The following CYP39A1 variants were observed in gnomAD, a reference collection of about 807,000 sequenced individuals.
CYP39A1 encodes cytochrome P450 family 39 subfamily A member 1, also known as 24-hydroxycholesterol 7-alpha-hydroxylase.
CYP39A1 carries 49 observed loss-of-function variants against 58.1 expected under a neutral mutation model. That is an observed-to-expected ratio of 0.84 (90% CI 0.67 to 1.07). The LOEUF (loss-of-function observed/expected upper bound fraction) is 1.07, where lower values mean the gene tolerates loss of function less well. CYP39A1 is among the 50% of genes least tolerant of loss of function. The probability of loss-of-function intolerance (pLI) is 0.00; values close to 1 mark genes in which losing one functional copy is unlikely to be tolerated. For synonymous variants in CYP39A1, 209 were observed against 187.6 expected (o/e 1.11, Z -0.93); for missense variants, 531 against 539.4 (o/e 0.98, Z 0.16).
intron 10 of CYP39A1, among the ~76,000 whole-genome samples, chr6:46,563,877 T>C (rs1216237177): frequency 2.6e-5 from 4 of 152,062 alleles, no homozygotes; most frequent in African/African-American, 7.2e-5. Flanking sequence ...TGTCAGATTA[T>C]GGAGGGCCCG....
intron 5 of CYP39A1, among the ~76,000 whole-genome samples, chr6:46,633,697 A>G (rs541305442): frequency 6.6e-6 from 1 of 152,262 alleles, no homozygotes; most frequent in Non-Finnish European, 1.5e-5. Context: ...TCTCTACTAA[A>G]AATATAAAAA....
chr6:46,575,632 C>CCCA (rs1014418557), intron 10 of CYP39A1, among the ~76,000 whole-genome samples: 1 of 152,208 alleles, frequency 6.6e-6, no homozygotes, highest in African/African-American at 2.4e-5. Context: ...CACACAGGGG[C>CCCA]CCACCACTGC....
chr6:46,595,109 G>A (rs984679365), intron 8 of CYP39A1, among the ~76,000 whole-genome samples: 2 of 151,778 alleles, frequency 1.3e-5, no homozygotes, highest in Admixed American at 6.6e-5. Context: ...AAAAACACAA[G>A]GATCTATCAC....
chr6:46,614,915 T>A (rs1013157808), intron 7 of CYP39A1, among the ~76,000 whole-genome samples: 3 of 152,170 alleles, frequency 2.0e-5, no homozygotes, highest in African/African-American at 7.2e-5. Context: ...GCCACTGGCA[T>A]AGGATACTGA....
chr6:46,642,422 C>T (rs1466588762), intron 1 of CYP39A1, 124 bp from the exon 2 acceptor site: 1 of 905,666 alleles, frequency 1.1e-6, no homozygotes, highest in African/African-American at 1.7e-5. Context: ...TTATATTTGG[C>T]AATTAGTTAT....
At chr6:46,622,213 T>C (rs1774998178) in intron 7 of CYP39A1, among the ~76,000 whole-genome samples, 1 of 152,122 alleles carries the variant, frequency 6.6e-6, no homozygotes, top group Admixed American at 6.6e-5. Flanking sequence ...ATGGGATTTA[T>C]TTTGAAGGTG....
chr6:46,615,432 A>G (rs932168497), intron 7 of CYP39A1, among the ~76,000 whole-genome samples: 2 of 152,072 alleles, frequency 1.3e-5, no homozygotes, highest in African/African-American at 4.8e-5. Context: ...ACTAAGTACA[A>G]TGATATCTCC....
chr6:46,603,382 TG>T (rs1773633760), intron 7 of CYP39A1, among the ~76,000 whole-genome samples: 1 of 152,258 alleles, frequency 6.6e-6, no homozygotes, highest in African/African-American at 2.4e-5. Flanking sequence ...GTGGGCTAGA[TG>T]AATATACAGT....
chr6:46,620,334 G>T (rs1191537701), intron 7 of CYP39A1, among the ~76,000 whole-genome samples: 1 of 152,110 alleles, frequency 6.6e-6, no homozygotes, highest in African/African-American at 2.4e-5. Context: ...CAGTTTCCTA[G>T]AAGACCTTAC....
chr6:46,625,701 G>A (rs557488074), intron 6 of CYP39A1, among the ~76,000 whole-genome samples, 193 bp from the exon 7 acceptor site: 37 of 151,758 alleles, frequency 2.4e-4, no homozygotes, highest in Non-Finnish European at 5.0e-4. Flanking sequence ...TCTCCAAGAA[G>A]CCAGATTTAA....
At position 46,607,363 on chromosome 6, in the gene CYP39A1, TA is replaced by T. The variant is rs78099617; in HGVS notation, c.932-11244del. Among the ~76,000 whole-genome samples, 906 of 140,436 alleles carry T rather than the reference TA, an allele frequency of 6.5e-3. 3 individuals carry two copies. Among genetic ancestry groups the T allele is most frequent in the African/African-American group, 0.015 (558 of 38,430 alleles). 92.1% of individuals were successfully genotyped at this position (140,436 alleles called of 152,430 possible). A position where few individuals can be genotyped will look rare whatever the true frequency, so the allele number is the denominator to read the frequency against. ...ATTAATCACAAAAATTTCTTGGGCT[TA>T]AAAAAAAAAAAAGAACATGAGTCAA... is the stretch of plus-strand genomic sequence containing the variant. On this transcript the variant is annotated intron_variant, in intron 7 of 11. Transcript: ENST00000275016.
intron 7 of CYP39A1, among the ~76,000 whole-genome samples, chr6:46,598,722 G>A (rs1416021774): frequency 1.3e-5 from 2 of 152,080 alleles, no homozygotes; most frequent in African/African-American, 4.8e-5. Flanking sequence ...AGAAATTTAA[G>A]TTTTGGAGAT....
chr6:46,578,653 A>G (rs571175092), intron 10 of CYP39A1, among the ~76,000 whole-genome samples: 265 of 152,256 alleles, frequency 1.7e-3, no homozygotes, highest in African/African-American at 5.4e-3. Context: ...CTCAGAGAGT[A>G]TTATGAACAC....
intron 8 of CYP39A1, among the ~76,000 whole-genome samples, chr6:46,593,773 AT>A (rs956443275): frequency 6.6e-6 from 1 of 152,194 alleles, no homozygotes; most frequent in East Asian, 1.9e-4. Flanking sequence ...TTCAAAAAAA[AT>A]AATTTGTTAT....
At chr6:46,605,752 A>C (rs1395509867) in intron 7 of CYP39A1, among the ~76,000 whole-genome samples, 1 of 152,218 alleles carries the variant, frequency 6.6e-6, no homozygotes, top group Non-Finnish European at 1.5e-5. Context: ...AGGTGGTTCC[A>C]GCAAGCTAGG....
chr6:46,602,725 C>T (rs954290885), intron 7 of CYP39A1, among the ~76,000 whole-genome samples: 2 of 145,910 alleles, frequency 1.4e-5, no homozygotes, highest in Admixed American at 1.4e-4. Flanking sequence ...AACCACAGTG[C>T]TGAATTAAAA....
intron 1 of CYP39A1, among the ~76,000 whole-genome samples, chr6:46,643,081 T>C (rs1410136080): frequency 6.6e-6 from 1 of 152,172 alleles, no homozygotes; most frequent in Non-Finnish European, 1.5e-5. Context: ...CCCCTCTTTA[T>C]CAGATCACTC....
intron 10 of CYP39A1, among the ~76,000 whole-genome samples, chr6:46,555,050 G>GAC (rs138308277): frequency 0.01 from 1,536 of 148,472 alleles, 13 homozygotes; most frequent in South Asian, 0.017. Flanking sequence ...CGCAGACACA[G>GAC]ACACACACAC....
intron 10 of CYP39A1, among the ~76,000 whole-genome samples, chr6:46,565,217 G>C (rs973717287): frequency 6.6e-6 from 1 of 151,874 alleles, no homozygotes; most frequent in Admixed American, 6.6e-5. Context: ...AACTTGTCAA[G>C]GAAAATGATG....
Sources: gnomAD v4.1 joint callset for allele counts (sites outside exome capture counted in the v4.1 genomes callset) on GRCh38, gnomAD v4.1.1 for gene constraint, MANE v1.5 for transcripts, NCBI Gene and HGNC (gene_info 2026-07-23, HGNC 2026-07-21) for gene names.